The following PCSK6 variants were observed in gnomAD, a reference collection of about 807,000 sequenced individuals.
PCSK6 encodes the protein paired basic amino acid cleaving enzyme 4.
In PCSK6, 85 loss-of-function variants were observed where a neutral mutation model predicts 123.3. That is an observed-to-expected ratio of 0.69 (90% CI 0.58 to 0.83). PCSK6 has a LOEUF of 0.83. Among genes scored for constraint, PCSK6 ranks in the 40% least tolerant of loss-of-function variants. The pLI is 0.00. For synonymous variants in PCSK6, 508 were observed against 516.0 expected, an observed-to-expected ratio of 0.98 and a Z score of 0.21; for missense variants, 1,191 against 1,282.3, an observed-to-expected ratio of 0.93 and a Z score of 1.09.
intron 13 of PCSK6, among the ~76,000 whole-genome samples, chr15:101,336,042 G>A (rs1163800583): frequency 6.6e-6 from 1 of 152,138 alleles, no homozygotes; most frequent in Non-Finnish European, 1.5e-5. Context: ...TTGAATATGG[G>A]GTCTGCTACT....
intron 17 of PCSK6, among the ~76,000 whole-genome samples, chr15:101,324,285 C>T (rs2040197712): frequency 6.6e-6 from 1 of 152,240 alleles, no homozygotes; most frequent in Admixed American, 6.5e-5. Context: ...AGCTCCTTTT[C>T]ATGTCTGGAG....
chr15:101,328,786 G>A (rs1342991853), intron 15 of PCSK6, among the ~76,000 whole-genome samples: 1 of 152,212 alleles, frequency 6.6e-6, no homozygotes, highest in African/African-American at 2.4e-5. Flanking sequence ...ATGCCTAGAT[G>A]AATATCTGTA....
chr15:101,326,716 GAGA>G (rs1233442094), intron 15 of PCSK6, among the ~76,000 whole-genome samples: 5 of 152,368 alleles, frequency 3.3e-5, no homozygotes, highest in Admixed American at 2.6e-4. Context: ...GGGATGGCAT[GAGA>G]AGGAGTGAAA....
intron 5 of PCSK6, 68 bp downstream of exon 5, chr15:101,429,919 A>G (rs773119578): frequency 2.1e-5 from 28 of 1,348,600 alleles, no homozygotes; most frequent in South Asian, 3.5e-5. Flanking sequence ...GCTCCCTCGC[A>G]CACACATTCA....
At chr15:101,482,686 G>A (rs867834559) in intron 1 of PCSK6, among the ~76,000 whole-genome samples, 3 of 152,078 alleles carry the variant, frequency 2.0e-5, no homozygotes, top group Non-Finnish European at 2.9e-5. Context: ...CCAGCCCATC[G>A]ACAGCTCCGT....
intron 6 of PCSK6, among the ~76,000 whole-genome samples, chr15:101,418,224 A>C (rs115611520): frequency 6.6e-6 from 1 of 152,190 alleles, no homozygotes; most frequent in Non-Finnish European, 1.5e-5. Flanking sequence ...CAATCAGACT[A>C]GTTAATCAGC....
At chr15:101,436,363 T>C (rs1307774248) in intron 2 of PCSK6, among the ~76,000 whole-genome samples, 1 of 152,220 alleles carries the variant, frequency 6.6e-6, no homozygotes, top group African/African-American at 2.4e-5. Context: ...CCGGCAGGGC[T>C]GCGGACACCA....
intron 1 of PCSK6, among the ~76,000 whole-genome samples, chr15:101,443,962 T>TTA (rs2141154522): frequency 6.6e-6 from 1 of 152,366 alleles, no homozygotes; most frequent in Admixed American, 6.5e-5. Flanking sequence ...GCCAAGTTTT[T>TTA]TAGACAGAAA....
intron 5 of PCSK6, among the ~76,000 whole-genome samples, chr15:101,428,356 G>C (rs766007785): frequency 2.0e-5 from 3 of 152,114 alleles, no homozygotes; most frequent in East Asian, 3.9e-4. Flanking sequence ...GCGCCACCTC[G>C]GCCTCGTGTC....
chr15:101,393,543 T>C lies in PCSK6; in HGVS notation c.997-119A>G, dbSNP rs192217874. 9.9e-5 allele frequency: 70 copies of C among 709,074 alleles called. No individual in the cohort carries two copies. The Middle Eastern group carries it at 2.9e-3, about 30-fold the overall frequency. The allele number at this position is 709,074 out of a possible 1,614,324, so 43.9% of individuals were successfully genotyped here. On this transcript the variant is annotated intron_variant, in intron 7 of 21. Transcript: ENST00000611716. ...CTTCAAAGGGATAAGAAGGTTGCAT[T>C]CAGACCATCTGGATGCTGCTGAGAG...
intron 18 of PCSK6, among the ~76,000 whole-genome samples, chr15:101,320,245 C>G (rs1007056008): frequency 2.0e-5 from 3 of 152,112 alleles, no homozygotes; most frequent in African/African-American, 7.2e-5. Context: ...ACCACCATGT[C>G]TGGCTATTTT....
rs772552182 is a variant in PCSK6, at chr15:101,443,582, G to A, written c.376C>T (p.His126Tyr). 6.2e-7 allele frequency: 1 copy of A among 1,613,698 alleles called. No individual in the cohort carries two copies. Among genetic ancestry groups the A allele is most frequent in the South Asian group, 1.1e-5 (1 of 91,060 alleles). ...KRSTLSSRGP[H>Y]TFLRMDPQVK... is the part of the protein sequence containing the mutation. The stretch of plus-strand genomic sequence containing the variant: ...TGGGGGTCCATTCTGAGGAAGGTGT[G>A]AGGGCCTCTGCTACTCAAGGTTGAT... The change falls in exon 2 of 22, where the codon CAC becomes TAC. Residue 126 changes from histidine (H) to tyrosine (Y), a missense_variant. By Grantham distance (83) the His-to-Tyr change is moderately conservative. Around this residue, in one of 3 missense-constraint regions of PCSK6, gnomAD observed 204 missense variants for 166.4 expected, o/e 1.23. Coordinates refer to ENST00000611716, the MANE Select transcript of PCSK6 (RefSeq NM_002570.5).
At chr15:101,377,221 C>T (rs2041774659) in intron 11 of PCSK6, among the ~76,000 whole-genome samples, 1 of 152,146 alleles carries the variant, frequency 6.6e-6, no homozygotes, top group Admixed American at 6.5e-5. Context: ...GGCACCTGGC[C>T]AAGGCCGGAG....
chr15:101,348,780 A>G (rs1328780979), intron 13 of PCSK6, among the ~76,000 whole-genome samples: 1 of 152,150 alleles, frequency 6.6e-6, no homozygotes, highest in Non-Finnish European at 1.5e-5. Flanking sequence ...CCAGGCCAGG[A>G]AGCGGCCAGC....
Position 101,449,005 on chromosome 15 carries a change from C to T in PCSK6, c.298-5345G>A, listed in dbSNP as rs370494203. Reference sequence around the variant, plus strand: ...TGTATACACGTGTATATACGTATGCCGGTGTGTGTGTGTGCATATGTATAT... The same window carrying T: ...TGTATACACGTGTATATACGTATGCTGGTGTGTGTGTGTGCATATGTATAT... On this transcript the variant is annotated intron_variant, in intron 1 of 21. Coordinates refer to ENST00000611716, the MANE Select transcript of PCSK6 (RefSeq NM_002570.5). 2.4e-4 allele frequency among the ~76,000 whole-genome samples: 36 copies of T among 151,772 alleles called. No homozygotes were observed. The South Asian group carries it at 2.5e-3, about 11-fold the overall frequency.
At chr15:101,417,519 A>G (rs891011428) in intron 6 of PCSK6, among the ~76,000 whole-genome samples, 5 of 152,238 alleles carry the variant, frequency 3.3e-5, no homozygotes, top group African/African-American at 1.2e-4. Context: ...AATTTTATAA[A>G]TCTCTTCTAA....
intron 2 of PCSK6, among the ~76,000 whole-genome samples, chr15:101,441,164 C>T (rs562908857): frequency 1.1e-4 from 17 of 152,280 alleles, no homozygotes; most frequent in Admixed American, 7.2e-4. Context: ...AAAAATTTAA[C>T]TGCTACGTTA....
intron 1 of PCSK6, among the ~76,000 whole-genome samples, chr15:101,470,541 C>G (rs185974034): frequency 6.6e-6 from 1 of 152,264 alleles, no homozygotes; most frequent in East Asian, 1.9e-4. Flanking sequence ...AGTTTAATGT[C>G]CTTTCATTTC....
At chr15:101,358,121 C>T (rs1249723332) in intron 13 of PCSK6, among the ~76,000 whole-genome samples, 2 of 152,152 alleles carry the variant, frequency 1.3e-5, no homozygotes, top group Non-Finnish European at 2.9e-5. Context: ...TGCTGAGCCC[C>T]TCTGTGGTCC....
Sources: gnomAD v4.1 joint callset for allele counts (sites outside exome capture counted in the v4.1 genomes callset) on GRCh38, gnomAD v4.1.1 for gene constraint, gnomAD v4.1.1 regional missense constraint, MANE v1.5 for transcripts, NCBI Gene and HGNC (gene_info 2026-07-23, HGNC 2026-07-21) for gene names.